ST6GALNAC3: variants seen among roughly 807,000 people sequenced by gnomAD.
The protein encoded by ST6GALNAC3 is alpha-N-acetylgalactosaminide alpha-2,6-sialyltransferase 3.
A neutral mutation model predicts 32.7 loss-of-function variants in ST6GALNAC3; 25 were observed. The ratio of observed to expected loss-of-function variants is 0.76; its 90% confidence interval spans 0.56 to 1.07. The LOEUF (loss-of-function observed/expected upper bound fraction) is 1.07, where lower values mean the gene tolerates loss of function less well. Ranked by LOEUF, ST6GALNAC3 falls within the 50% of genes least tolerant of loss-of-function variation. The pLI is 0.00. For synonymous variants in ST6GALNAC3, 129 were observed against 133.1 expected, an observed-to-expected ratio of 0.97 and a Z score of 0.21; for missense variants, 355 against 382.4, an observed-to-expected ratio of 0.93 and a Z score of 0.60.
chr1:76,380,204 A>G lies in ST6GALNAC3; in HGVS notation c.214-31804A>G, dbSNP rs561453989. Among the ~76,000 whole-genome samples the G allele has an allele frequency of 2.0e-5, 3 of 152,312 alleles. No individual in the cohort carries two copies. The South Asian group carries it at 6.2e-4, about 32-fold the overall frequency. ...AAAGAGGATTGTGGGATGAGCAATGAATAAGTAAAAGGGTACTTAACCTCA... is the reference window on the plus strand; with the variant it reads ...AAAGAGGATTGTGGGATGAGCAATGGATAAGTAAAAGGGTACTTAACCTCA... On this transcript the variant is annotated intron_variant, in intron 2 of 4. Coordinates refer to ENST00000328299, the MANE Select transcript of ST6GALNAC3 (RefSeq NM_152996.4).
chr1:76,226,736 C>G (rs483441), intron 1 of ST6GALNAC3, among the ~76,000 whole-genome samples: 24,317 of 151,984 alleles, frequency 0.16, 2,194 homozygotes, highest in Middle Eastern at 0.23. Context: ...CCAGATCTCA[C>G]GAGAGAACTC....
chr1:76,485,781 G>T (rs1430390616), intron 3 of ST6GALNAC3, among the ~76,000 whole-genome samples: 1 of 152,044 alleles, frequency 6.6e-6, no homozygotes, highest in Non-Finnish European at 1.5e-5. Flanking sequence ...GAATGTGTTT[G>T]CTCTAGCTTC....
intron 3 of ST6GALNAC3, among the ~76,000 whole-genome samples, chr1:76,484,589 C>G (rs1295700633): frequency 6.6e-6 from 1 of 151,886 alleles, no homozygotes; most frequent in Non-Finnish European, 1.5e-5. Context: ...TGAGACTTTG[C>G]TGATGTTTCT....
chr1:76,310,343 G>A (rs1646737719), intron 1 of ST6GALNAC3, among the ~76,000 whole-genome samples: 1 of 152,146 alleles, frequency 6.6e-6, no homozygotes, highest in Admixed American at 6.6e-5. Context: ...TGATTCCACA[G>A]AGGAGCAAAT....
intron 1 of ST6GALNAC3, among the ~76,000 whole-genome samples, chr1:76,294,928 T>C (rs1660306191): frequency 6.6e-6 from 1 of 152,154 alleles, no homozygotes; most frequent in Non-Finnish European, 1.5e-5. Flanking sequence ...TAATTTGTGA[T>C]GGAAAAGTCA....
At chr1:76,255,173 A>G (rs760822002) in intron 1 of ST6GALNAC3, among the ~76,000 whole-genome samples, 13 of 151,954 alleles carry the variant, frequency 8.6e-5, no homozygotes, top group Non-Finnish European at 1.3e-4. Flanking sequence ...ATTTTATTCA[A>G]TGAATGTTTC....
chr1:76,132,879 G>T (rs933214245), intron 1 of ST6GALNAC3, among the ~76,000 whole-genome samples: 1 of 152,128 alleles, frequency 6.6e-6, no homozygotes, highest in Non-Finnish European at 1.5e-5. Context: ...ATACAGCCAG[G>T]TGTCAATGGC....
At chr1:76,316,462 G>A (rs1224304418) in intron 2 of ST6GALNAC3, among the ~76,000 whole-genome samples, 1 of 152,054 alleles carries the variant, frequency 6.6e-6, no homozygotes, top group Non-Finnish European at 1.5e-5. Flanking sequence ...TGAAGAAACT[G>A]CAAGTATATG....
intron 2 of ST6GALNAC3, among the ~76,000 whole-genome samples, chr1:76,381,394 C>T (rs1038517797): frequency 6.6e-6 from 1 of 151,764 alleles, no homozygotes; most frequent in Non-Finnish European, 1.5e-5. Flanking sequence ...TAAAGAAGCC[C>T]CTGATAAAAT....
At chr1:76,486,553 C>CT (rs1431914882) in intron 3 of ST6GALNAC3, among the ~76,000 whole-genome samples, 1 of 151,846 alleles carries the variant, frequency 6.6e-6, no homozygotes, top group South Asian at 2.1e-4. Flanking sequence ...CAACCCTTGC[C>CT]TTTTTTTTGT....
chr1:76,301,384 A>G (rs1660716571), intron 1 of ST6GALNAC3, among the ~76,000 whole-genome samples: 1 of 151,980 alleles, frequency 6.6e-6, no homozygotes, highest in Non-Finnish European at 1.5e-5. Flanking sequence ...AAAAAAAATC[A>G]AAGGCTCTTT....
At chr1:76,604,600 C>A (rs1647403417) in intron 3 of ST6GALNAC3, among the ~76,000 whole-genome samples, 3 of 152,170 alleles carry the variant, frequency 2.0e-5, no homozygotes, top group Admixed American at 2.0e-4. Context: ...CCTCTGCAAT[C>A]TATAATCTGA....
At chr1:76,364,772 C>G (rs1463536677) in intron 2 of ST6GALNAC3, among the ~76,000 whole-genome samples, 1 of 151,890 alleles carries the variant, frequency 6.6e-6, no homozygotes, top group Non-Finnish European at 1.5e-5. Flanking sequence ...AAACTAAAAC[C>G]ACAATGAAAT....
chr1:76,585,580 T>C (rs1258459923), intron 3 of ST6GALNAC3, among the ~76,000 whole-genome samples: 2 of 152,036 alleles, frequency 1.3e-5, no homozygotes, highest in African/African-American at 2.4e-5. Flanking sequence ...ACAGAGTAGA[T>C]GCACAGTTCA....
At chr1:76,168,919 G>A (rs1334361879) in intron 1 of ST6GALNAC3, among the ~76,000 whole-genome samples, 3 of 152,084 alleles carry the variant, frequency 2.0e-5, no homozygotes, top group Non-Finnish European at 4.4e-5. Context: ...TTGCCACTCA[G>A]TGTCTTTTAC....
intron 3 of ST6GALNAC3, among the ~76,000 whole-genome samples, chr1:76,413,843 C>T (rs1285976532): frequency 1.3e-5 from 2 of 152,010 alleles, no homozygotes; most frequent in African/African-American, 4.8e-5. Context: ...AAATATGAAG[C>T]CTATTCACAA....
chr1:76,456,013 C>T (rs528200947), intron 3 of ST6GALNAC3, among the ~76,000 whole-genome samples: 26 of 152,128 alleles, frequency 1.7e-4, no homozygotes, highest in Admixed American at 1.2e-3. Flanking sequence ...TGGCAAAGCC[C>T]GACTCTACCA....
intron 3 of ST6GALNAC3, among the ~76,000 whole-genome samples, chr1:76,473,385 G>C (rs1659157951): frequency 6.6e-6 from 1 of 152,082 alleles, no homozygotes; most frequent in African/African-American, 2.4e-5. Flanking sequence ...ATTTCTAGGT[G>C]GTGACAAATC....
At chr1:76,293,705 A>G (rs1660224650) in intron 1 of ST6GALNAC3, among the ~76,000 whole-genome samples, 1 of 152,176 alleles carries the variant, frequency 6.6e-6, no homozygotes, top group African/African-American at 2.4e-5. Flanking sequence ...AGGGTTATGT[A>G]CCACTGTCAA....
Sources: gnomAD v4.1 joint callset for allele counts (sites outside exome capture counted in the v4.1 genomes callset) on GRCh38, gnomAD v4.1.1 for gene constraint, MANE v1.5 for transcripts, NCBI Gene and HGNC (gene_info 2026-07-23, HGNC 2026-07-21) for gene names.